SYNE1: variants seen among roughly 807,000 people sequenced by gnomAD.
SYNE1 encodes the protein nesprin-1.
Under a neutral mutation model 1,111.0 loss-of-function variants are expected in SYNE1, and 616 were observed. That is an observed-to-expected ratio of 0.55 (90% CI 0.52 to 0.59). SYNE1 has a LOEUF of 0.59. Among genes scored for constraint, SYNE1 ranks in the 20% least tolerant of loss-of-function variants. The pLI, the probability that SYNE1 is intolerant of heterozygous loss-of-function variation, is 0.00. For synonymous variants in SYNE1, 3,855 were observed against 3,825.8 expected, an observed-to-expected ratio of 1.01 and a Z score of -0.28; for missense variants, 10,006 against 10,417.0, an observed-to-expected ratio of 0.96 and a Z score of 1.72.
chr6:152,208,021 C>T lies in SYNE1; in HGVS notation c.22775G>A (p.Ser7592Asn), dbSNP rs1168053291. The stretch of plus-strand genomic sequence containing the variant: ...TGCTTGTTGCAGTGGTATAGGAACA[C>T]TTCCGAGACCACTCATGGGGAGGTA... Reference protein sequence around the residue: ...VSYLPMSGLGSVPIPLQQART... With the variant: ...VSYLPMSGLGNVPIPLQQART... The change falls in exon 125 of 146, where the codon AGT becomes AAT. Residue 7592 changes from serine to asparagine, a missense_variant. Transcript: ENST00000367255. 1 of 1,614,180 alleles carries T rather than the reference C, an allele frequency of 6.2e-7. No individual in the cohort carries two copies. The highest frequency in any genetic ancestry group is 2.2e-5 in the East Asian group (1 of 44,882).
At chr6:152,536,375 G>GTATAC (rs2099238351) in intron 4 of SYNE1, among the ~76,000 whole-genome samples, 1 of 121,146 alleles carries the variant, frequency 8.3e-6, no homozygotes, top group African/African-American at 3.0e-5. Context: ...TATATATATA[G>GTATAC]TAATATATAT....
intron 18 of SYNE1, 85 bp from the exon 19 acceptor site, chr6:152,463,602 T>G (rs1010043633): frequency 3.5e-5 from 41 of 1,178,596 alleles, no homozygotes; most frequent in Admixed American, 1.2e-4. Flanking sequence ...AGGAAAAATA[T>G]TTTTGTTTTA....
intron 8 of SYNE1, among the ~76,000 whole-genome samples, chr6:152,509,534 G>A (rs1274664212): frequency 6.6e-6 from 1 of 152,016 alleles, no homozygotes; most frequent in Admixed American, 6.6e-5. Context: ...TGGGATTATA[G>A]GCATGAGTCA....
Position 152,148,337 on chromosome 6 carries a change from C to T in SYNE1, c.24684G>A (p.Glu8228=). ...CCGACAGAGCTGCAGAGTCTTCCAG[C>T]TCCAGCTCCCTGTCTGAGAGGTCGT... The part of the protein sequence containing the change: ...DEHDLSDREL[E]LEDSAALSDL... The change falls in exon 137 of 146, where the codon GAG becomes GAA. Residue 8228 remains glutamate, a synonymous_variant. Coordinates refer to ENST00000367255, the MANE Select transcript of SYNE1 (RefSeq NM_182961.4). This position sits in a 1 kb window ranked among gnomAD's most constrained non-coding sequence, Gnocchi z 4.1. 1 of 1,614,158 alleles carries T rather than the reference C, an allele frequency of 6.2e-7. No homozygotes were observed. Among genetic ancestry groups the T allele is most frequent in the Non-Finnish European group, 8.5e-7 (1 of 1,180,020 alleles).
chr6:152,274,063 C>T (rs1249569560), intron 98 of SYNE1, among the ~76,000 whole-genome samples: 1 of 152,202 alleles, frequency 6.6e-6, no homozygotes. Context: ...ATTCAGAGAT[C>T]ACCACTGAAA....
intron 129 of SYNE1, among the ~76,000 whole-genome samples, chr6:152,178,071 C>T (rs577772738): frequency 1.1e-4 from 17 of 151,988 alleles, no homozygotes; most frequent in Middle Eastern, 6.8e-3. Context: ...TATTAATATA[C>T]GAGGTAGTAT....
At chr6:152,172,479 C>T (rs564848992) in intron 130 of SYNE1, among the ~76,000 whole-genome samples, 1 of 152,110 alleles carries the variant, frequency 6.6e-6, no homozygotes, top group African/African-American at 2.4e-5. Flanking sequence ...GTCCAGTTAC[C>T]CACTTCCCTG....
At chr6:152,550,104 C>T (rs564189306) in intron 3 of SYNE1, among the ~76,000 whole-genome samples, 35 of 152,188 alleles carry the variant, frequency 2.3e-4, no homozygotes, top group Non-Finnish European at 4.1e-4. Flanking sequence ...CAGTACCCTA[C>T]ACCCTAGTGA....
intron 127 of SYNE1, among the ~76,000 whole-genome samples, chr6:152,192,388 T>A (rs1481133465): frequency 3.3e-5 from 5 of 152,162 alleles, no homozygotes; most frequent in African/African-American, 1.2e-4. Flanking sequence ...AATGTCTCTC[T>A]TTAGCTCCAA....
At chr6:152,173,415 A>G (rs1210433775) in intron 130 of SYNE1, among the ~76,000 whole-genome samples, 1 of 152,238 alleles carries the variant, frequency 6.6e-6, no homozygotes, top group African/African-American at 2.4e-5. Flanking sequence ...CAGGACAGAA[A>G]TGTCGAAAGG....
intron 3 of SYNE1, among the ~76,000 whole-genome samples, chr6:152,593,168 G>C (rs2099571730): frequency 6.6e-6 from 1 of 152,172 alleles, no homozygotes; most frequent in Non-Finnish European, 1.5e-5. Flanking sequence ...GTGGTCAAAT[G>C]GGTTTCCTTA....
chr6:152,263,208 C>T (rs1056218201), intron 100 of SYNE1, among the ~76,000 whole-genome samples: 1 of 149,708 alleles, frequency 6.7e-6, no homozygotes, highest in Non-Finnish European at 1.5e-5. Flanking sequence ...GAAGGTAGTG[C>T]AGGACATAGG....
At chr6:152,303,599 C>T (rs2095276929) in intron 91 of SYNE1, among the ~76,000 whole-genome samples, 1 of 151,948 alleles carries the variant, frequency 6.6e-6, no homozygotes, top group South Asian at 2.1e-4. Context: ...ACAAAATTCA[C>T]AGATATTCCA....
In SYNE1 at chr6:152,294,033, T is replaced by C. The variant is rs1221654261; in HGVS notation, c.17777A>G (p.Glu5926Gly). ...AGTAGCGGATGGCTCCAATCCCGGTTCATAGAACTCCTGGGATGCGGATGT... is the reference window on the plus strand; with the variant it reads ...AGTAGCGGATGGCTCCAATCCCGGTCCATAGAACTCCTGGGATGCGGATGT... ...PSTSASQEFY[E>G]PGLEPSATAK... The change falls in exon 94 of 146, where the codon GAA (glutamate) becomes GGA (glycine). Residue 5926 changes from glutamate to glycine, a missense_variant. Glu to Gly is a moderately conservative substitution (Grantham distance 98). This residue lies in a region of SYNE1 where 4,955 missense variants were observed against 5,017.2 expected (regional missense o/e 0.99). Transcript: ENST00000367255. 1 of 1,614,148 alleles carries C rather than the reference T, an allele frequency of 6.2e-7. No homozygotes were observed. Among genetic ancestry groups the C allele is most frequent in the Admixed American group, 1.7e-5 (1 of 60,018 alleles).
intron 127 of SYNE1, 99 bp downstream of exon 127, chr6:152,201,725 T>C: frequency 1.3e-6 from 2 of 1,569,346 alleles, no homozygotes; most frequent in South Asian, 1.1e-5. Flanking sequence ...ATCTTGTATC[T>C]GCATGTAGAT....
chr6:152,354,660 T>A lies in SYNE1; in HGVS notation c.10925A>T (p.Lys3642Met). Residue 3642 changes from lysine to methionine, a missense_variant and splice_region_variant, in exon 67 of 146, where the codon AAG (lysine) becomes ATG (methionine). Physicochemically the swap from Lys to Met is moderately conservative, Grantham distance 95. Transcript: ENST00000367255. ...ATCAGGAATCTACATGAGTTGTACC[T>A]TCATCTGATGTAATTGTATCTCCTT... Reference protein sequence around the residue: ...ATKEIQLHQMKKWHEEVTAYR... With the variant: ...ATKEIQLHQMMKWHEEVTAYR... 1.9e-6 allele frequency: 3 copies of A among 1,614,202 alleles called. No individual in the cohort carries two copies. Among genetic ancestry groups the A allele is most frequent in the Non-Finnish European group, 1.7e-6 (2 of 1,180,006 alleles).
At chr6:152,442,030 A>T (rs368145570) in intron 31 of SYNE1, 45 bp downstream of exon 31, 2 of 1,611,772 alleles carry the variant, frequency 1.2e-6, no homozygotes, top group Non-Finnish European at 1.7e-6. Context: ...GGAAGTGAAC[A>T]CTGCCCAGCC....
chr6:152,240,972 T>C (rs1399774023), intron 107 of SYNE1, among the ~76,000 whole-genome samples: 1 of 152,224 alleles, frequency 6.6e-6, no homozygotes, highest in Non-Finnish European at 1.5e-5. Flanking sequence ...ACTTTGAAGT[T>C]CATCTAGCCC....
intron 4 of SYNE1, among the ~76,000 whole-genome samples, chr6:152,527,748 G>A (rs1021528912): frequency 2.6e-5 from 4 of 152,178 alleles, no homozygotes; most frequent in African/African-American, 9.7e-5. Context: ...AGTAAGGAAA[G>A]CAGGGAATTC....
Sources: allele counts gnomAD v4.1 joint callset (sites outside exome capture counted in the v4.1 genomes callset), GRCh38; gene constraint gnomAD v4.1.1; regional missense constraint gnomAD v4.1.1; non-coding constraint Gnocchi (gnomAD v3.1); transcripts MANE v1.5; gene names NCBI Gene and HGNC (gene_info 2026-07-23, HGNC 2026-07-21).